The following YTHDC2 variants were observed in gnomAD, a reference collection of about 807,000 sequenced individuals.
YTHDC2 encodes the protein 3'-5' RNA helicase YTHDC2.
Under a neutral mutation model 174.9 loss-of-function variants are expected in YTHDC2, and 45 were observed. The ratio of observed to expected loss-of-function variants is 0.26; its 90% CI spans 0.20 to 0.33. YTHDC2 has a LOEUF of 0.33. YTHDC2 is among the 10% of genes least tolerant of loss of function. The pLI is 1.00. For synonymous variants in YTHDC2, 657 were observed against 574.5 expected (o/e 1.14, Z -2.05); for missense variants, 1,650 against 1,723.7 (o/e 0.96, Z 0.76).
chr5:113,585,207 A>C (rs1221411255), intron 26 of YTHDC2, among the ~76,000 whole-genome samples: 1 of 152,150 alleles, frequency 6.6e-6, no homozygotes, highest in Non-Finnish European at 1.5e-5. Context: ...TATTAAAAAA[A>C]AAACAAGATG....
At chr5:113,582,336 T>C (rs1302614290) in intron 25 of YTHDC2, 1 of 152,226 alleles carries the variant, frequency 6.6e-6, no homozygotes, top group African/African-American at 2.4e-5. Context: ...CAAATTCTTC[T>C]TTTCTTCTTT....
At chr5:113,527,617 G>A (rs1774354319) in intron 4 of YTHDC2, among the ~76,000 whole-genome samples, 1 of 152,128 alleles carries the variant, frequency 6.6e-6, no homozygotes, top group Non-Finnish European at 1.5e-5. Context: ...GATAAGGCAA[G>A]GTGGGAGGAG....
chr5:113,584,447 TGTG>T lies in YTHDC2; in HGVS notation c.3794_3796del (p.Cys1265_Ala1266delinsSer). On this transcript the variant is annotated inframe_deletion, in exon 26 of 30. Coordinates refer to ENST00000161863, the MANE Select transcript of YTHDC2 (RefSeq NM_022828.5). The stretch of plus-strand genomic sequence containing the variant: ...AGACAGCAGTAGTTACCCAAGTCCT[TGTG>T]CTAGTCCTTCTCCTCCATCCTCAGG... The T allele has an allele frequency of 6.2e-7, 1 of 1,613,344 alleles. No homozygotes were observed. The highest frequency in any genetic ancestry group is 8.5e-7 in the Non-Finnish European group (1 of 1,179,544).
chr5:113,576,287 T>A (rs947595226), intron 23 of YTHDC2, among the ~76,000 whole-genome samples: 1 of 152,118 alleles, frequency 6.6e-6, no homozygotes, highest in African/African-American at 2.4e-5. Context: ...GGCAAATCTG[T>A]TTCAAGAAAG....
Position 113,579,683 on chromosome 5 carries a change from A to G in YTHDC2, c.3342A>G (p.Thr1114=), listed in dbSNP as rs1159231684. Residue 1114 remains threonine (T), a synonymous_variant, in exon 24 of 30, where the codon ACA becomes ACG. Coordinates refer to ENST00000161863, the MANE Select transcript of YTHDC2 (RefSeq NM_022828.5). ...AACTTGATGAGTGGCTCCATTTCACACTGGAGCCAGAGGTAAGTTGCTTTC... is the reference window on the plus strand; with the variant it reads ...AACTTGATGAGTGGCTCCATTTCACGCTGGAGCCAGAGGTAAGTTGCTTTC... ...ALKLDEWLHF[T]LEPEAASLLL... 15 of 1,606,446 alleles carry G rather than the reference A, an allele frequency of 9.3e-6. No individual in the cohort carries two copies. The Middle Eastern group carries it at 5.0e-4, about 53-fold the overall frequency.
intron 6 of YTHDC2, among the ~76,000 whole-genome samples, chr5:113,535,047 C>T (rs1185233796): frequency 6.6e-6 from 1 of 152,116 alleles, no homozygotes; most frequent in Non-Finnish European, 1.5e-5. Flanking sequence ...ATTAAAAGCA[C>T]ATTAAATTGG....
chr5:113,569,866 A>G (rs953051387), intron 23 of YTHDC2, among the ~76,000 whole-genome samples: 1 of 152,098 alleles, frequency 6.6e-6, no homozygotes, highest in Non-Finnish European at 1.5e-5. Flanking sequence ...CGTTTCTTCT[A>G]AGTCTGTGAA....
intron 5 of YTHDC2, among the ~76,000 whole-genome samples, chr5:113,533,826 G>A (rs1219739312): frequency 9.2e-5 from 14 of 152,094 alleles, no homozygotes; most frequent in Admixed American, 9.2e-4. Flanking sequence ...TTCATCAGAG[G>A]ATTCTGGATT....
intron 9 of YTHDC2, 149 bp downstream of exon 9, chr5:113,541,265 C>T: frequency 2.3e-6 from 2 of 870,136 alleles, no homozygotes; most frequent in Non-Finnish European, 3.5e-6. Context: ...GATCTCGGCT[C>T]ACTGCAAGCT....
rs537804616 is a variant in YTHDC2 at position 113,542,666 on chromosome 5, G to A, written c.1495+163G>A. The stretch of plus-strand genomic sequence containing the variant: ...TGTACAAATCAGGATCTTCTTGCTA[G>A]CACAGCATAGTAGAAATAAATATTG... On this transcript the variant is annotated intron_variant, in intron 10 of 29. Transcript: ENST00000161863. 2.1e-4 allele frequency among the ~76,000 whole-genome samples: 32 copies of A among 152,216 alleles called. No homozygotes were observed. The South Asian group carries it at 5.6e-3, about 27-fold the overall frequency.
chr5:113,582,363 G>T (rs1778452700), intron 25 of YTHDC2: 1 of 151,926 alleles, frequency 6.6e-6, no homozygotes, highest in Non-Finnish European at 1.5e-5. Flanking sequence ...TAAATGTGGT[G>T]GTGTTTTTGT....
At position 113,565,992 on chromosome 5, in the gene YTHDC2, C is replaced by G; in HGVS notation, c.2815C>G (p.Gln939Glu). 1.9e-6 allele frequency: 3 copies of G among 1,611,230 alleles called. No homozygotes were observed. The highest frequency in any genetic ancestry group is 1.7e-6 in the Non-Finnish European group (2 of 1,178,842). The change falls in exon 21 of 30, where the codon CAG becomes GAG. Residue 939 changes from glutamine (Q) to glutamate (E), a missense_variant. Physicochemically the swap from Gln to Glu is conservative, Grantham distance 29. This residue lies in a region of YTHDC2 where 913 missense variants were observed against 940.4 expected (regional missense o/e 0.97). Transcript: ENST00000161863. ...GGAAATAATCATAGGCATGAGAACACAGTTGCTTGGTCAACTTAGAGCATC... is the reference window on the plus strand; with the variant it reads ...GGAAATAATCATAGGCATGAGAACAGAGTTGCTTGGTCAACTTAGAGCATC... ...TMEIIIGMRT[Q>E]LLGQLRASGF... is the part of the protein sequence containing the mutation.
chr5:113,542,560 A>C, intron 10 of YTHDC2, 57 bp downstream of exon 10: 1 of 1,501,220 alleles, frequency 6.7e-7, no homozygotes, highest in Admixed American at 2.3e-5. Context: ...GTGGAAGTAT[A>C]GTTTAATTCA....
chr5:113,589,199 C>T (rs770566278), intron 26 of YTHDC2, among the ~76,000 whole-genome samples: 5 of 151,578 alleles, frequency 3.3e-5, no homozygotes, highest in Admixed American at 6.6e-5. Flanking sequence ...GTAAGACCAT[C>T]TCATATGGTT....
rs141771388 is a variant in YTHDC2 at position 113,554,206 on chromosome 5, A to G, written c.2133+184A>G. 1.6e-3 allele frequency among the ~76,000 whole-genome samples: 239 copies of G among 152,196 alleles called. 1 individual carries two copies. Among genetic ancestry groups the G allele is most frequent in the African/African-American group, 5.3e-3 (222 of 41,578 alleles). ...ATGTCTGGTTCTAGATAAATTTAAC[A>G]TACTAAATATTGATTTTACTAAATA... On this transcript the variant is annotated intron_variant, in intron 16 of 29. Coordinates refer to ENST00000161863, the MANE Select transcript of YTHDC2 (RefSeq NM_022828.5).
intron 8 of YTHDC2, 144 bp downstream of exon 8, chr5:113,539,325 T>G: frequency 2.7e-6 from 1 of 374,516 alleles, no homozygotes; most frequent in Non-Finnish European, 4.8e-6. Context: ...ATTGGAATAT[T>G]GTCCCAAATA....
intron 17 of YTHDC2, among the ~76,000 whole-genome samples, chr5:113,558,480 G>A (rs2112694465): frequency 6.6e-6 from 1 of 152,282 alleles, no homozygotes; most frequent in Non-Finnish European, 1.5e-5. Context: ...AGAAAGTAAT[G>A]TTGGTGATTG....
At chr5:113,525,400 A>G (rs1405378736) in intron 3 of YTHDC2, among the ~76,000 whole-genome samples, 1 of 152,098 alleles carries the variant, frequency 6.6e-6, no homozygotes, top group Admixed American at 6.5e-5. Context: ...AATAATATCA[A>G]TAGCTACCAT....
In YTHDC2 at chr5:113,514,042, C is replaced by G. The variant is rs759492286; in HGVS notation, c.147C>G (p.Val49=). The change falls in exon 1 of 30, where the codon GTC becomes GTG. Residue 49 remains valine, a synonymous_variant. Transcript: ENST00000161863. The part of the protein sequence containing the change: ...IRIDEEVKIA[V]NIALERFRYG... Reference sequence around the variant, plus strand: ...TTGATGAGGAGGTGAAGATCGCAGTCAATATCGCGCTGGAGCGCTTCCGAT... The same window carrying G: ...TTGATGAGGAGGTGAAGATCGCAGTGAATATCGCGCTGGAGCGCTTCCGAT... The G allele has an allele frequency of 7.4e-6, 12 of 1,612,134 alleles. No homozygotes were observed. The South Asian group carries it at 1.3e-4, about 18-fold the overall frequency.
Sources: allele counts gnomAD v4.1 joint callset (sites outside exome capture counted in the v4.1 genomes callset), GRCh38; gene constraint gnomAD v4.1.1; regional missense constraint gnomAD v4.1.1; transcripts MANE v1.5; gene names NCBI Gene and HGNC (gene_info 2026-07-23, HGNC 2026-07-21).